Variants in WWOX observed in about 807,000 individuals in gnomAD.
WWOX encodes WW domain-containing oxidoreductase.
WWOX carries 69 observed loss-of-function variants against 46.2 expected under a neutral mutation model. That is an observed-to-expected ratio of 1.49 (90% confidence interval 1.23 to 1.82). WWOX has a LOEUF of 1.82. Ranked by LOEUF, WWOX falls within the 40% of genes most tolerant of loss-of-function variation. The probability of loss-of-function intolerance (pLI) is 0.00; values close to 1 mark genes in which losing one functional copy is unlikely to be tolerated. For synonymous variants in WWOX, 359 were observed against 202.6 expected, an observed-to-expected ratio of 1.77 and a Z score of -6.56; for missense variants, 919 against 542.6, an observed-to-expected ratio of 1.69 and a Z score of -6.89.
rs994753007 is a variant in WWOX, at chr16:78,338,693, C to T, written c.517-48167C>T. Among the ~76,000 whole-genome samples the T allele has an allele frequency of 1.3e-4, 16 of 121,302 alleles. 3 individuals carry two copies. The highest frequency in any genetic ancestry group is 3.9e-4 in the African/African-American group (14 of 35,942). The allele number at this position is 121,302 out of a possible 152,430, so 79.6% of individuals were successfully genotyped here. A position where few individuals can be genotyped will look rare whatever the true frequency, so the allele number is the denominator to read the frequency against. On this transcript the variant is annotated intron_variant, in intron 5 of 8. Coordinates refer to ENST00000566780, the MANE Select transcript of WWOX (RefSeq NM_016373.4). ...GTGAGAAATCCAGGTTGTGCTCTGTCGTAATTTAAGCCTAATATGTGATTG... is the reference window on the plus strand; with the variant it reads ...GTGAGAAATCCAGGTTGTGCTCTGTTGTAATTTAAGCCTAATATGTGATTG...
chr16:78,711,369 T>C (rs1004524440), intron 8 of WWOX, among the ~76,000 whole-genome samples: 3 of 152,240 alleles, frequency 2.0e-5, no homozygotes, highest in African/African-American at 7.2e-5. Context: ...AGGAACATGA[T>C]GCTCATATCT....
chr16:79,049,457 C>T (rs933841531), intron 8 of WWOX, among the ~76,000 whole-genome samples: 5 of 152,134 alleles, frequency 3.3e-5, no homozygotes, highest in Non-Finnish European at 5.9e-5. Flanking sequence ...CAGCTGTCAC[C>T]CATTTGCAGC....
At chr16:79,189,115 G>T (rs2017010) in intron 8 of WWOX, among the ~76,000 whole-genome samples, 2 of 151,970 alleles carry the variant, frequency 1.3e-5, no homozygotes, top group Non-Finnish European at 2.9e-5. Context: ...TAGAAACCTA[G>T]GGAGAGAGAT....
At chr16:78,229,504 A>ACC (rs1376398312) in intron 5 of WWOX, among the ~76,000 whole-genome samples, 8 of 103,028 alleles carry the variant, frequency 7.8e-5, no homozygotes, top group Non-Finnish European at 1.6e-4. Flanking sequence ...ATTTATCTAT[A>ACC]TCTATATAGA....
intron 8 of WWOX, among the ~76,000 whole-genome samples, chr16:79,022,941 T>G (rs559844042): frequency 6.6e-6 from 1 of 152,328 alleles, no homozygotes; most frequent in South Asian, 2.1e-4. Flanking sequence ...CATCTGCTAA[T>G]AATACCTATG....
chr16:78,365,495 A>T (rs1358130541), intron 5 of WWOX, among the ~76,000 whole-genome samples: 2 of 152,214 alleles, frequency 1.3e-5, no homozygotes, highest in African/African-American at 4.8e-5. Flanking sequence ...AACAATGAAC[A>T]TGACTTCAAT....
At chr16:78,794,470 T>C (rs563502464) in intron 8 of WWOX, among the ~76,000 whole-genome samples, 13 of 152,304 alleles carry the variant, frequency 8.5e-5, no homozygotes, top group African/African-American at 3.1e-4. Context: ...GACAAATCCT[T>C]CCATCTATGT....
chr16:78,796,451 T>C lies in WWOX; in HGVS notation c.1056+363699T>C, dbSNP rs189468146. Among the ~76,000 whole-genome samples, 187 of 152,380 alleles carry C rather than the reference T, an allele frequency of 1.2e-3. 2 individuals carry two copies. The highest frequency in any genetic ancestry group is 2.1e-3 in the Non-Finnish European group (144 of 68,036). ...TCCCATTGGCCAGAATTCAGTCACATGATCACAACCAACTGCAAGGGATTC... is the reference window on the plus strand; with the variant it reads ...TCCCATTGGCCAGAATTCAGTCACACGATCACAACCAACTGCAAGGGATTC... On this transcript the variant is annotated intron_variant, in intron 8 of 8. Coordinates refer to ENST00000566780, the MANE Select transcript of WWOX (RefSeq NM_016373.4).
At chr16:78,460,156 C>T (rs1382589944) in intron 8 of WWOX, among the ~76,000 whole-genome samples, 3 of 146,820 alleles carry the variant, frequency 2.0e-5, no homozygotes, top group Non-Finnish European at 4.5e-5. Context: ...CCTAAAGAGT[C>T]TCGCTCTTTT....
intron 8 of WWOX, among the ~76,000 whole-genome samples, chr16:78,632,999 A>G (rs779631308): frequency 3.2e-4 from 49 of 152,166 alleles, no homozygotes; most frequent in Non-Finnish European, 6.8e-4. Flanking sequence ...ATGGTGGCTC[A>G]TGCCTGTAAT....
intron 4 of WWOX, among the ~76,000 whole-genome samples, chr16:78,150,616 C>T (rs756273442): frequency 2.6e-5 from 4 of 151,758 alleles, no homozygotes; most frequent in African/African-American, 9.7e-5. Context: ...CTCCTCAGCT[C>T]AAGCAATCCT....
chr16:78,125,544 C>T (rs1168285111), intron 4 of WWOX, among the ~76,000 whole-genome samples: 1 of 152,120 alleles, frequency 6.6e-6, no homozygotes, highest in Non-Finnish European at 1.5e-5. Context: ...CATTTCCAGA[C>T]TGCATTGGAT....
intron 8 of WWOX, among the ~76,000 whole-genome samples, chr16:78,856,050 A>T (rs1433649195): frequency 6.6e-6 from 1 of 152,228 alleles, no homozygotes; most frequent in Non-Finnish European, 1.5e-5. Flanking sequence ...AATTAGGGAA[A>T]GTTTCCTTCA....
chr16:78,864,299 C>T (rs1278058754), intron 8 of WWOX, among the ~76,000 whole-genome samples: 3 of 150,086 alleles, frequency 2.0e-5, no homozygotes, highest in Non-Finnish European at 4.4e-5. Context: ...GAGAATCTTG[C>T]TCTGTTGCCC....
At chr16:78,782,041 C>G (rs968668546) in intron 8 of WWOX, among the ~76,000 whole-genome samples, 2 of 152,148 alleles carry the variant, frequency 1.3e-5, no homozygotes, top group African/African-American at 4.8e-5. Context: ...TTTTGGTGAA[C>G]TCTCTGTCTT....
intron 5 of WWOX, among the ~76,000 whole-genome samples, chr16:78,256,211 T>TGA (rs2038127776): frequency 6.7e-6 from 1 of 148,496 alleles, no homozygotes; most frequent in Non-Finnish European, 1.5e-5. Context: ...CTCCATGAAG[T>TGA]GAGCACACTT....
chr16:78,352,944 C>G (rs923496395), intron 5 of WWOX, among the ~76,000 whole-genome samples: 1 of 152,096 alleles, frequency 6.6e-6, no homozygotes, highest in Non-Finnish European at 1.5e-5. Context: ...TTATTTTATT[C>G]TTTAATGATT....
At chr16:78,835,661 C>G (rs757950201) in intron 8 of WWOX, among the ~76,000 whole-genome samples, 33 of 152,178 alleles carry the variant, frequency 2.2e-4, no homozygotes, top group Admixed American at 6.5e-5. Context: ...CGTGACTTGC[C>G]TAAGAACACA....
At chr16:78,492,523 A>G (rs1190672644) in intron 8 of WWOX, among the ~76,000 whole-genome samples, 2 of 152,202 alleles carry the variant, frequency 1.3e-5, no homozygotes, top group South Asian at 2.1e-4. Context: ...ATCTAGGACC[A>G]TAACAGCGAG....
Sources: gnomAD v4.1 joint callset for allele counts (sites outside exome capture counted in the v4.1 genomes callset) on GRCh38, gnomAD v4.1.1 for gene constraint, MANE v1.5 for transcripts, NCBI Gene and HGNC (gene_info 2026-07-23, HGNC 2026-07-21) for gene names.